VPS53: variants seen among roughly 807,000 people sequenced by gnomAD.
The protein encoded by VPS53 is vacuolar protein sorting-associated protein 53 homolog.
A neutral mutation model predicts 107.0 loss-of-function variants in VPS53; 70 were observed. The observed-to-expected ratio is 0.65, with a 90% CI of 0.54 to 0.80. The LOEUF (loss-of-function observed/expected upper bound fraction) is 0.80. Ranked by LOEUF, VPS53 falls within the 30% of genes least tolerant of loss-of-function variation. VPS53 has a pLI of 0.00. For missense variants in VPS53, 917 were observed against 1,049.4 expected, an observed-to-expected ratio of 0.87 and a Z score of 1.74; for synonymous variants, 409 against 393.3, an observed-to-expected ratio of 1.04 and a Z score of -0.47.
chr17:679,914 G>A (rs1469842021), intron 4 of VPS53, among the ~76,000 whole-genome samples: 2 of 152,152 alleles, frequency 1.3e-5, no homozygotes, highest in Non-Finnish European at 2.9e-5. Flanking sequence ...TTGGGAGGCC[G>A]AGGCAGGTGG....
chr17:547,801 C>G (rs1911354161), intron 17 of VPS53, among the ~76,000 whole-genome samples: 1 of 152,052 alleles, frequency 6.6e-6, no homozygotes, highest in African/African-American at 2.4e-5. Flanking sequence ...TCATGTCCAG[C>G]AAATTTTTTG....
At position 653,123 on chromosome 17, in the gene VPS53, C is replaced by T. The variant is rs531081467; in HGVS notation, c.608+168G>A. 5.5e-4 allele frequency: 538 copies of T among 985,252 alleles called. 3 individuals are homozygous for T. In the African/African-American group the frequency reaches 7.3e-3, roughly 13 times the overall value. 61.0% of individuals were successfully genotyped at this position (985,252 alleles called of 1,614,324 possible). On this transcript the variant is annotated intron_variant, in intron 7 of 21. Coordinates refer to ENST00000437048, the MANE Select transcript of VPS53 (RefSeq NM_001128159.3). ...GACAGTTTACCTTTCGGAAAGCTGCCGGATCTGTGGAATCCCCATATACTT... is the reference window on the plus strand; with the variant it reads ...GACAGTTTACCTTTCGGAAAGCTGCTGGATCTGTGGAATCCCCATATACTT...
intron 8 of VPS53, among the ~76,000 whole-genome samples, chr17:630,502 G>A (rs1969912885): frequency 6.6e-6 from 1 of 152,092 alleles, no homozygotes; most frequent in Non-Finnish European, 1.5e-5. Flanking sequence ...TATATCAGAT[G>A]ACTAAGGAAT....
At chr17:677,074 T>C (rs1333878322) in intron 4 of VPS53, among the ~76,000 whole-genome samples, 3 of 152,194 alleles carry the variant, frequency 2.0e-5, no homozygotes, top group South Asian at 2.1e-4. Context: ...AAAATTACCA[T>C]GTGACCCAGC....
chr17:549,707 G>C (rs959266502), intron 17 of VPS53, among the ~76,000 whole-genome samples: 1 of 152,200 alleles, frequency 6.6e-6, no homozygotes, highest in Non-Finnish European at 1.5e-5. Context: ...TCAGGATGTA[G>C]AGAATGCTTA....
rs1271114451 is a variant in VPS53, at chr17:511,567, A to G, written c.*7561T>C. ...GAGTCAACACCCTCAAAGGGGACAG[A>G]CAGAAACAGAAAGGAACTTTTGGGC... On this transcript the variant is annotated 3_prime_UTR_variant, in exon 22 of 22. Coordinates refer to ENST00000437048, the MANE Select transcript of VPS53 (RefSeq NM_001128159.3). 2.0e-5 allele frequency: 3 copies of G among 152,156 alleles called. No individual in the cohort carries two copies. Among genetic ancestry groups the G allele is most frequent in the African/African-American group, 7.2e-5 (3 of 41,412 alleles). 9.4% of individuals were successfully genotyped at this position (152,156 alleles called of 1,614,324 possible). A position where few individuals can be genotyped will look rare whatever the true frequency, so the allele number is the denominator to read the frequency against.
intron 19 of VPS53, chr17:531,856 A>AACCTCC (rs1909592953): frequency 7.1e-6 from 1 of 141,372 alleles, no homozygotes; most frequent in Non-Finnish European, 1.5e-5. Flanking sequence ...AGCTCACTGC[A>AACCTCC]ACCTCCACCT....
chr17:543,671 G>T (rs1476617912), intron 17 of VPS53, among the ~76,000 whole-genome samples: 1 of 151,330 alleles, frequency 6.6e-6, no homozygotes, highest in Non-Finnish European at 1.5e-5. Context: ...AGAATCCTTT[G>T]TATTTCCACC....
chr17:517,377 T>C lies in VPS53; in HGVS notation c.*1751A>G, dbSNP rs1908383538. 5.0e-6 allele frequency: 2 copies of C among 399,730 alleles called. No homozygotes were observed. Among genetic ancestry groups the C allele is most frequent in the Non-Finnish European group, 8.8e-6 (2 of 226,606 alleles). 24.8% of individuals were successfully genotyped at this position (399,730 alleles called of 1,614,324 possible). A position where few individuals can be genotyped will look rare whatever the true frequency, so the allele number is the denominator to read the frequency against. On this transcript the variant is annotated 3_prime_UTR_variant, in exon 22 of 22. Coordinates refer to ENST00000437048, the MANE Select transcript of VPS53 (RefSeq NM_001128159.3). Reference sequence around the variant, plus strand: ...GCTGGACGGCATCGGGGAGAAAGCCTGGCAGAGAGGGCAGGGGCACAGAGC... The same window carrying C: ...GCTGGACGGCATCGGGGAGAAAGCCCGGCAGAGAGGGCAGGGGCACAGAGC...
intron 12 of VPS53, among the ~76,000 whole-genome samples, chr17:592,794 A>AC (rs1220984217): frequency 6.6e-6 from 1 of 152,032 alleles, no homozygotes; most frequent in Non-Finnish European, 1.5e-5. Context: ...GGATAACCCG[A>AC]CCTTTCTCTC....
chr17:550,591 C>T (rs1237351260), intron 17 of VPS53, among the ~76,000 whole-genome samples: 1 of 152,146 alleles, frequency 6.6e-6, no homozygotes, highest in Non-Finnish European at 1.5e-5. Flanking sequence ...CCCTGCTCTA[C>T]AAAGTTCTAG....
chr17:650,461 C>T (rs1041421330), intron 7 of VPS53, among the ~76,000 whole-genome samples: 2 of 152,024 alleles, frequency 1.3e-5, no homozygotes, highest in Non-Finnish European at 2.9e-5. Flanking sequence ...CACGCCACTG[C>T]ACTCCAGCCT....
intron 12 of VPS53, among the ~76,000 whole-genome samples, 165 bp downstream of exon 12, chr17:601,630 G>C (rs1468739742): frequency 6.6e-6 from 1 of 152,146 alleles, no homozygotes; most frequent in Admixed American, 6.5e-5. Context: ...GCCCTTTCAT[G>C]GAGTTTTCTA....
chr17:676,241 C>T (rs1365042934), intron 4 of VPS53: 1 of 152,104 alleles, frequency 6.6e-6, no homozygotes, highest in African/African-American at 2.4e-5. Flanking sequence ...ATACTGTTTC[C>T]GTGGATGAAA....
chr17:592,690 C>A (rs7209689), intron 12 of VPS53, among the ~76,000 whole-genome samples: 7,045 of 152,160 alleles, frequency 0.046, 240 homozygotes, highest in Middle Eastern at 0.15. Flanking sequence ...GTTGAAAATT[C>A]TTTTAAGAAT....
At chr17:544,331 T>A (rs1911018912) in intron 17 of VPS53, among the ~76,000 whole-genome samples, 1 of 152,184 alleles carries the variant, frequency 6.6e-6, no homozygotes, top group Admixed American at 6.5e-5. Flanking sequence ...GTGATTTAAA[T>A]TTTATTCCTT....
chr17:697,810 G>A (rs186577827), intron 3 of VPS53, among the ~76,000 whole-genome samples: 4 of 152,266 alleles, frequency 2.6e-5, no homozygotes, highest in East Asian at 3.9e-4. Flanking sequence ...GAGCCTTTAC[G>A]TGAACATGCC....
At chr17:560,405 T>C (rs773210592) in intron 15 of VPS53, 21 bp downstream of exon 15, 9 of 1,602,392 alleles carry the variant, frequency 5.6e-6, no homozygotes, top group Middle Eastern at 4.5e-4. Context: ...AGGTGGTGAG[T>C]GGGCAGCCAG....
rs542699310 is a variant in VPS53 at position 509,767 on chromosome 17, C to T, written c.*9361G>A. 2.3e-3 allele frequency: 419 copies of T among 179,190 alleles called. 3 individuals are homozygous for T. Among genetic ancestry groups the T allele is most frequent in the Admixed American group, 5.4e-3 (82 of 15,228 alleles). The allele number at this position is 179,190 out of a possible 1,614,324, so 11.1% of individuals were successfully genotyped here. The stretch of plus-strand genomic sequence containing the variant: ...GTCACGTATTGAATCCTGGCTCACC[C>T]CCTTACTAGTCACATATCAAATCCT... On this transcript the variant is annotated 3_prime_UTR_variant, in exon 22 of 22. Transcript: ENST00000437048.
Sources: allele counts gnomAD v4.1 joint callset (sites outside exome capture counted in the v4.1 genomes callset), GRCh38; gene constraint gnomAD v4.1.1; transcripts MANE v1.5; gene names NCBI Gene and HGNC (gene_info 2026-07-23, HGNC 2026-07-21).